Variants in GPHN observed in about 807,000 individuals in gnomAD.
The protein encoded by GPHN is gephyrin.
A neutral mutation model predicts 95.5 loss-of-function variants in GPHN; 17 were observed. That is an observed-to-expected ratio of 0.18 (90% CI 0.12 to 0.27). The LOEUF (loss-of-function observed/expected upper bound fraction) is 0.27, where lower values mean the gene tolerates loss of function less well. GPHN is among the 10% of genes least tolerant of loss of function. The probability of loss-of-function intolerance (pLI) is 1.00; values close to 1 mark genes in which losing one functional copy is unlikely to be tolerated. For synonymous variants in GPHN, 320 were observed against 322.5 expected, an observed-to-expected ratio of 0.99 and a Z score of 0.08; for missense variants, 660 against 978.1, an observed-to-expected ratio of 0.67 and a Z score of 4.34.
At chr14:66,888,354 A>G (rs1234901363) in intron 5 of GPHN, among the ~76,000 whole-genome samples, 1 of 152,202 alleles carries the variant, frequency 6.6e-6, no homozygotes, top group Non-Finnish European at 1.5e-5. Flanking sequence ...AAAGATAAGA[A>G]TTACATTTAA....
At chr14:67,710,485 G>A in the GPHN span, among the ~76,000 whole-genome samples, 5 of 152,000 alleles carry the variant, frequency 3.3e-5, no homozygotes, top group Non-Finnish European at 7.4e-5. Flanking sequence ...AGTTTGTCTT[G>A]AACATCCCTC....
intron 2 of GPHN, among the ~76,000 whole-genome samples, chr14:66,733,194 C>G (rs1439331132): frequency 6.6e-6 from 1 of 151,886 alleles, no homozygotes; most frequent in Non-Finnish European, 1.5e-5. Flanking sequence ...CCTGCTTGTG[C>G]TAGGTCTCTC....
intron 7 of GPHN, among the ~76,000 whole-genome samples, chr14:66,923,468 A>C (rs1035934704): frequency 6.6e-6 from 1 of 152,136 alleles, no homozygotes; most frequent in African/African-American, 2.4e-5. Context: ...AAAGATAGGA[A>C]ATGGATATAT....
At chr14:67,349,774 T>C in the GPHN span, among the ~76,000 whole-genome samples, 1 of 152,204 alleles carries the variant, frequency 6.6e-6, no homozygotes, top group Non-Finnish European at 1.5e-5. Flanking sequence ...ATACCACTTA[T>C]ACACTATTGA....
intron 12 of GPHN, among the ~76,000 whole-genome samples, chr14:67,099,101 T>C (rs2077551118): frequency 1.3e-5 from 2 of 151,994 alleles, no homozygotes; most frequent in African/African-American, 4.8e-5. Context: ...TCTATGTCTG[T>C]TGTAAAAACT....
chr14:67,166,635 TTTTG>T (rs1321832096), intron 20 of GPHN, among the ~76,000 whole-genome samples: 2 of 141,414 alleles, frequency 1.4e-5, no homozygotes, highest in Non-Finnish European at 2.9e-5. Context: ...TTGTTATTGG[TTTTG>T]TTTGTTTTTT....
intron 1 of GPHN, among the ~76,000 whole-genome samples, chr14:66,609,186 A>C (rs538854745): frequency 6.6e-6 from 1 of 152,088 alleles, no homozygotes; most frequent in African/African-American, 2.4e-5. Flanking sequence ...AGTGGTTACA[A>C]ATTCTTAGCA....
the GPHN span, among the ~76,000 whole-genome samples, chr14:67,275,073 A>G: frequency 6.6e-6 from 1 of 152,206 alleles, no homozygotes; most frequent in Non-Finnish European, 1.5e-5. Context: ...AAACAGGGAC[A>G]ATTTGACTTC....
At chr14:66,750,371 A>T (rs962126658) in intron 2 of GPHN, among the ~76,000 whole-genome samples, 1 of 151,918 alleles carries the variant, frequency 6.6e-6, no homozygotes, top group Non-Finnish European at 1.5e-5. Context: ...CTGCAAGGAC[A>T]TATCACTACT....
intron 8 of GPHN, among the ~76,000 whole-genome samples, chr14:66,953,488 C>T (rs1259191248): frequency 6.6e-6 from 1 of 152,124 alleles, no homozygotes; most frequent in Non-Finnish European, 1.5e-5. Flanking sequence ...TCCATTTTGA[C>T]TTAATTTTTG....
At chr14:67,434,124 T>C in the GPHN span, among the ~76,000 whole-genome samples, 93 of 152,336 alleles carry the variant, frequency 6.1e-4, 1 homozygote, top group East Asian at 0.017. Context: ...TGCTCCTTTT[T>C]GATAAGTACT....
chr14:67,422,303 G>T, the GPHN span, among the ~76,000 whole-genome samples: 1 of 151,982 alleles, frequency 6.6e-6, no homozygotes, highest in African/African-American at 2.4e-5. Context: ...CCCAATAAAG[G>T]CTCTGACCTA....
At chr14:67,713,850 G>T in the GPHN span, among the ~76,000 whole-genome samples, 1 of 152,072 alleles carries the variant, frequency 6.6e-6, no homozygotes, top group Non-Finnish European at 1.5e-5. Context: ...GGGACAACTC[G>T]AAGCAGGGAG....
At chr14:67,424,460 A>C in the GPHN span, among the ~76,000 whole-genome samples, 60 of 151,652 alleles carry the variant, frequency 4.0e-4, 2 homozygotes, top group Non-Finnish European at 1.5e-5. Context: ...TCTATGAAAA[A>C]TACAGGTGTG....
the GPHN span, among the ~76,000 whole-genome samples, chr14:67,470,083 G>A: frequency 1.3e-5 from 2 of 152,180 alleles, no homozygotes; most frequent in Admixed American, 1.3e-4. Flanking sequence ...TTACCAGAGA[G>A]TGTCAGAGTA....
At chr14:67,392,858 G>A in the GPHN span, 1 of 1,603,134 alleles carries the variant, frequency 6.2e-7, no homozygotes, top group Admixed American at 1.7e-5. Flanking sequence ...GCCTGGCCAA[G>A]GGCAGCACCA....
the GPHN span, among the ~76,000 whole-genome samples, chr14:67,288,166 G>A: frequency 1.3e-5 from 2 of 152,010 alleles, no homozygotes; most frequent in African/African-American, 2.4e-5. Flanking sequence ...TGCAACTTCC[G>A]CCTCCGAGGT....
chr14:66,786,859 C>A (rs1397716200), intron 3 of GPHN, among the ~76,000 whole-genome samples: 4 of 152,014 alleles, frequency 2.6e-5, no homozygotes, highest in Non-Finnish European at 1.5e-5. Context: ...CAAACTAGGA[C>A]TAGATGGGAC....
At chr14:66,967,246 TTGAA>T (rs2069401300) in intron 9 of GPHN, among the ~76,000 whole-genome samples, 1 of 151,968 alleles carries the variant, frequency 6.6e-6, no homozygotes, top group Admixed American at 6.6e-5. Flanking sequence ...AGAAACTAGT[TTGAA>T]TGTTGATATT....
Sources: allele counts gnomAD v4.1 joint callset (sites outside exome capture counted in the v4.1 genomes callset), GRCh38; gene constraint gnomAD v4.1.1; transcripts MANE v1.5; gene names NCBI Gene and HGNC (gene_info 2026-07-23, HGNC 2026-07-21).